Variants in SCN2B observed in about 807,000 individuals in gnomAD.
SCN2B encodes sodium voltage-gated channel beta subunit 2, also known as sodium channel regulatory subunit beta-2.
SCN2B carries 14 observed loss-of-function variants against 18.2 expected under a neutral mutation model. That is an observed-to-expected ratio of 0.77 (90% CI 0.51 to 1.21). SCN2B has a LOEUF of 1.21. SCN2B is among the 50% of genes most tolerant of loss of function. SCN2B has a pLI of 0.00. For synonymous variants in SCN2B, 115 were observed against 115.3 expected (o/e 1.00, Z 0.02); for missense variants, 262 against 286.9 (o/e 0.91, Z 0.63).
chr11:118,166,773 G>A lies in SCN2B; in HGVS notation c.*114C>T. 7.9e-7 allele frequency: 1 copy of A among 1,259,106 alleles called. No homozygotes were observed. The highest frequency in any genetic ancestry group is 1.1e-6 in the Non-Finnish European group (1 of 874,588). 78.0% of individuals were successfully genotyped at this position (1,259,106 alleles called of 1,614,324 possible). A position where few individuals can be genotyped will look rare whatever the true frequency, so the allele number is the denominator to read the frequency against. ...GTCGGGGGTTCAGGAGGCCCCAGGT[G>A]GGCCCTGGGGTCCTAGGTCACGGGA... On this transcript the variant is annotated 3_prime_UTR_variant, in exon 4 of 4. Coordinates refer to ENST00000278947, the MANE Select transcript of SCN2B (RefSeq NM_004588.5).
intron 1 of SCN2B, among the ~76,000 whole-genome samples, chr11:118,172,250 A>G (rs1257254982): frequency 6.6e-6 from 1 of 152,248 alleles, no homozygotes; most frequent in Non-Finnish European, 1.5e-5. Context: ...CGAGCCAGGC[A>G]CTGTCTACAT....
chr11:118,171,025 T>C (rs149794440), intron 1 of SCN2B, among the ~76,000 whole-genome samples: 4,124 of 152,052 alleles, frequency 0.027, 77 homozygotes, highest in Non-Finnish European at 0.041. Flanking sequence ...GAAATCAACA[T>C]CTGCCTGGAG....
At chr11:118,175,019 G>A (rs1591447045) in intron 1 of SCN2B, among the ~76,000 whole-genome samples, 1 of 152,226 alleles carries the variant, frequency 6.6e-6, no homozygotes, top group African/African-American at 2.4e-5. Flanking sequence ...GACACAGGGA[G>A]TTCAAATTTC....
chr11:118,175,073 G>C (rs1024547376), intron 1 of SCN2B, among the ~76,000 whole-genome samples: 1 of 152,210 alleles, frequency 6.6e-6, no homozygotes, highest in African/African-American at 2.4e-5. Context: ...TGTAACCTGA[G>C]TATAATAGAA....
chr11:118,172,654 CG>C (rs1948438652), intron 1 of SCN2B, among the ~76,000 whole-genome samples: 1 of 152,224 alleles, frequency 6.6e-6, no homozygotes, highest in Admixed American at 6.5e-5. Flanking sequence ...AGATCATCAA[CG>C]GGATGAGGCT....
Position 118,176,363 on chromosome 11 carries a change from C to G in SCN2B, c.69G>C (p.Leu23Phe). Reference protein sequence around the residue: ...SLTGLSLFFSLVPPGRSMEVT... With the variant: ...SLTGLSLFFSFVPPGRSMEVT... The stretch of plus-strand genomic sequence containing the variant: ...AGCATGCAGATGTGTCTAACTTACC[C>G]AAAGAGAAAAAGAGACTGAGCCCCG... Residue 23 changes from leucine (L) to phenylalanine (F), a missense_variant and splice_region_variant, in exon 1 of 4, where the codon TTG becomes TTC. Transcript: ENST00000278947. The G allele has an allele frequency of 6.2e-7, 1 of 1,613,756 alleles. No individual in the cohort carries two copies. The highest frequency in any genetic ancestry group is 1.1e-5 in the South Asian group (1 of 91,056).
intron 1 of SCN2B, among the ~76,000 whole-genome samples, chr11:118,171,761 A>C (rs1212326838): frequency 6.6e-6 from 1 of 152,208 alleles, no homozygotes; most frequent in African/African-American, 2.4e-5. Flanking sequence ...CCCACCCTGC[A>C]GCGGGGCCCT....
intron 1 of SCN2B, among the ~76,000 whole-genome samples, chr11:118,172,972 C>T (rs1005940177): frequency 8.6e-5 from 13 of 151,784 alleles, no homozygotes; most frequent in African/African-American, 7.3e-5. Flanking sequence ...AGTGTGGCAT[C>T]CAGCCCGTAT....
intron 1 of SCN2B, among the ~76,000 whole-genome samples, chr11:118,173,683 G>GT (rs1948446542): frequency 6.6e-6 from 1 of 152,182 alleles, no homozygotes; most frequent in Non-Finnish European, 1.5e-5. Flanking sequence ...TACATACAAT[G>GT]TTGTCTTGTT....
intron 1 of SCN2B, 69 bp downstream of exon 1, chr11:118,176,293 G>A: frequency 7.3e-7 from 1 of 1,362,834 alleles, no homozygotes; most frequent in Non-Finnish European, 1.1e-6. Context: ...CCTATCCCCT[G>A]CCCCCATCCT....
chr11:118,175,097 G>A (rs1001163810), intron 1 of SCN2B, among the ~76,000 whole-genome samples: 4 of 152,160 alleles, frequency 2.6e-5, no homozygotes, highest in South Asian at 2.1e-4. Flanking sequence ...ACCTCCGATT[G>A]CTGTGAGGGC....
chr11:118,173,069 C>G (rs937217723), intron 1 of SCN2B, among the ~76,000 whole-genome samples: 28 of 152,194 alleles, frequency 1.8e-4, no homozygotes, highest in East Asian at 1.5e-3. Context: ...CCCCGTGCAG[C>G]CAGGAGCAAC....
chr11:118,175,784 C>A (rs184597542), intron 1 of SCN2B, among the ~76,000 whole-genome samples: 1 of 152,260 alleles, frequency 6.6e-6, no homozygotes, highest in East Asian at 1.9e-4. Context: ...TCCATCAGTG[C>A]GTGCCTCAGC....
In SCN2B at chr11:118,168,557, C is replaced by G. The variant is rs780986879; in HGVS notation, c.237+28G>C. On this transcript the variant is annotated intron_variant, in intron 2 of 3. Transcript: ENST00000278947. The surrounding 1 kb of genome is among the most constrained non-coding windows in gnomAD (Gnocchi z 4.7). ...TGCCATGGGGCTCCTACCTCCTCCC[C>G]TGCCCCTGCCTTCAGCCCAGGACTC... 3.1e-6 allele frequency: 5 copies of G among 1,613,972 alleles called. No homozygotes were observed. The highest frequency in any genetic ancestry group is 3.4e-6 in the Non-Finnish European group (4 of 1,179,900).
At chr11:118,169,618 T>A (rs1427559282) in intron 1 of SCN2B, among the ~76,000 whole-genome samples, 5 of 151,842 alleles carry the variant, frequency 3.3e-5, no homozygotes, top group African/African-American at 7.3e-5. Flanking sequence ...CCCCAGAAGG[T>A]GAGGCACCAT....
At chr11:118,173,661 T>C (rs1274176374) in intron 1 of SCN2B, among the ~76,000 whole-genome samples, 1 of 152,242 alleles carries the variant, frequency 6.6e-6, no homozygotes, top group Non-Finnish European at 1.5e-5. Context: ...ATTATTGCTA[T>C]TATTGTTGCC....
At chr11:118,170,337 C>A (rs1453512181) in intron 1 of SCN2B, among the ~76,000 whole-genome samples, 1 of 152,150 alleles carries the variant, frequency 6.6e-6, no homozygotes, top group African/African-American at 2.4e-5. Context: ...AGAGAGTGAG[C>A]CCGTTGAAGT....
chr11:118,167,959 TG>T, intron 3 of SCN2B, 125 bp downstream of exon 3: 1 of 764,202 alleles, frequency 1.3e-6, no homozygotes, highest in Non-Finnish European at 2.3e-6. Context: ...ATTCCTTCTA[TG>T]CAGCACAAAT....
In SCN2B at chr11:118,166,556, C is replaced by A. The variant is rs558935531; in HGVS notation, c.*331G>T. ...CAAGCACTGGGCAGGTGGACAGCGGCCCCCTCCTCTACCCCTGCCCACCCA... is the reference window on the plus strand; with the variant it reads ...CAAGCACTGGGCAGGTGGACAGCGGACCCCTCCTCTACCCCTGCCCACCCA... On this transcript the variant is annotated 3_prime_UTR_variant, in exon 4 of 4. Transcript: ENST00000278947. 2 of 406,816 alleles carry A rather than the reference C, an allele frequency of 4.9e-6. No individual in the cohort carries two copies. The highest frequency in any genetic ancestry group is 4.4e-5 in the South Asian group (2 of 45,130). 25.2% of individuals were successfully genotyped at this position (406,816 alleles called of 1,614,324 possible).
Sources: gnomAD v4.1 joint callset for allele counts (sites outside exome capture counted in the v4.1 genomes callset) on GRCh38, gnomAD v4.1.1 for gene constraint, Gnocchi (gnomAD v3.1) non-coding constraint, MANE v1.5 for transcripts, NCBI Gene and HGNC (gene_info 2026-07-23, HGNC 2026-07-21) for gene names.